The following AAGAB variants were observed in gnomAD, a reference collection of about 807,000 sequenced individuals.
AAGAB encodes alpha- and gamma-adaptin-binding protein p34.
AAGAB carries 38 observed loss-of-function variants against 44.1 expected under a neutral mutation model. The observed-to-expected ratio is 0.86, with a 90% confidence interval of 0.67 to 1.13. AAGAB has a LOEUF of 1.13. Among genes scored for constraint, AAGAB ranks in the 50% most tolerant of loss-of-function variants. The pLI, the probability that AAGAB is intolerant of heterozygous loss-of-function variation, is 0.00. For missense variants in AAGAB, 450 were observed against 373.8 expected, an observed-to-expected ratio of 1.20 and a Z score of -1.68; for synonymous variants, 131 against 131.8, an observed-to-expected ratio of 0.99 and a Z score of 0.04.
At chr15:67,251,824 A>G (rs544485170) in intron 1 of AAGAB, among the ~76,000 whole-genome samples, 1 of 152,364 alleles carries the variant, frequency 6.6e-6, no homozygotes, top group Non-Finnish European at 1.5e-5. Flanking sequence ...ACCTGTGATT[A>G]ATTTAATCCC....
chr15:67,216,454 A>C (rs1963950673), intron 5 of AAGAB, among the ~76,000 whole-genome samples: 3 of 148,278 alleles, frequency 2.0e-5, no homozygotes, highest in Admixed American at 1.3e-4. Flanking sequence ...AAAAAAAAAA[A>C]AAAAAAAAAA....
chr15:67,211,890 T>G (rs1963828878), intron 5 of AAGAB, among the ~76,000 whole-genome samples: 1 of 151,990 alleles, frequency 6.6e-6, no homozygotes, highest in Admixed American at 6.6e-5. Flanking sequence ...TAATTCTTTT[T>G]TTTTTTTGAG....
chr15:67,219,628 G>T (rs1281257767), intron 5 of AAGAB, among the ~76,000 whole-genome samples: 1 of 152,092 alleles, frequency 6.6e-6, no homozygotes, highest in African/African-American at 2.4e-5. Flanking sequence ...TGGACAAAAA[G>T]ATTGGAACAG....
intron 5 of AAGAB, among the ~76,000 whole-genome samples, chr15:67,222,233 C>T (rs149806439): frequency 4.7e-5 from 3 of 63,508 alleles, no homozygotes; most frequent in South Asian, 4.5e-4. Context: ...CACGCGCACG[C>T]GCGCGCGCGC....
At chr15:67,233,709 A>C (rs1964396877) in intron 4 of AAGAB, among the ~76,000 whole-genome samples, 1 of 152,184 alleles carries the variant, frequency 6.6e-6, no homozygotes, top group South Asian at 2.1e-4. Flanking sequence ...AGTGGAAACA[A>C]TACCACTCTA....
intron 4 of AAGAB, among the ~76,000 whole-genome samples, chr15:67,233,456 G>A (rs1380736073): frequency 6.6e-6 from 1 of 152,206 alleles, no homozygotes; most frequent in African/African-American, 2.4e-5. Context: ...AGATGTTGAG[G>A]ATTGTAAGGC....
upstream of AAGAB, chr15:67,254,728 T>C (rs1965042344): frequency 1.4e-6 from 2 of 1,392,632 alleles, no homozygotes; most frequent in East Asian, 5.0e-5. Context: ...GAGAGGGCGT[T>C]CTCGGAATGA....
chr15:67,209,424 A>G, intron 6 of AAGAB, 38 bp downstream of exon 6: 1 of 1,499,512 alleles, frequency 6.7e-7, no homozygotes, highest in South Asian at 1.1e-5. Flanking sequence ...GAGAAATTAA[A>G]GCCAAAGAGG....
At chr15:67,244,578 A>G (rs949636887) in intron 1 of AAGAB, among the ~76,000 whole-genome samples, 3 of 152,106 alleles carry the variant, frequency 2.0e-5, no homozygotes, top group Non-Finnish European at 4.4e-5. Flanking sequence ...CAAAGTGGGC[A>G]GATTGCTTGA....
chr15:67,210,553 G>A (rs1963794011), intron 5 of AAGAB, among the ~76,000 whole-genome samples: 1 of 151,862 alleles, frequency 6.6e-6, no homozygotes, highest in Non-Finnish European at 1.5e-5. Context: ...CTCTAATTCA[G>A]ATATGAATGA....
intron 4 of AAGAB, among the ~76,000 whole-genome samples, chr15:67,233,651 T>TA (rs1964395308): frequency 6.6e-6 from 1 of 152,202 alleles, no homozygotes; most frequent in Admixed American, 6.5e-5. Context: ...CTCTGCCACT[T>TA]ACTAGCTATT....
chr15:67,230,223 G>A lies in AAGAB; in HGVS notation c.535+1591C>T, dbSNP rs886292179. Among the ~76,000 whole-genome samples the A allele has an allele frequency of 2.6e-5, 4 of 152,092 alleles. No individual in the cohort carries two copies. The South Asian group carries it at 8.3e-4, about 32-fold the overall frequency. ...ATACTTGTTGAGGCAGCCAAGAGAT[G>A]TAAGACAGAAAAACCCTATACAGGA... On this transcript the variant is annotated intron_variant, in intron 5 of 9. Coordinates refer to ENST00000261880, the MANE Select transcript of AAGAB (RefSeq NM_024666.5).
At chr15:67,236,223 C>T (rs573444341) in intron 3 of AAGAB, among the ~76,000 whole-genome samples, 155 bp from the exon 4 acceptor site, 2 of 151,966 alleles carry the variant, frequency 1.3e-5, no homozygotes, top group South Asian at 2.1e-4. Flanking sequence ...TTCTCAGCCC[C>T]GAAGTATCCA....
At chr15:67,216,677 C>T (rs899567637) in intron 5 of AAGAB, among the ~76,000 whole-genome samples, 31 of 151,304 alleles carry the variant, frequency 2.0e-4, no homozygotes, top group African/African-American at 7.5e-4. Flanking sequence ...GTCCTATCTC[C>T]AGAACCTTAA....
intron 1 of AAGAB, among the ~76,000 whole-genome samples, chr15:67,248,076 T>C (rs973390754): frequency 1.3e-5 from 2 of 152,240 alleles, no homozygotes; most frequent in African/African-American, 4.8e-5. Flanking sequence ...TGGAATGTAA[T>C]GTGGACATGT....
At chr15:67,253,552 G>C (rs2140407081) in intron 1 of AAGAB, among the ~76,000 whole-genome samples, 1 of 151,844 alleles carries the variant, frequency 6.6e-6, no homozygotes, top group South Asian at 2.1e-4. Context: ...CCACGAGTTG[G>C]AGACCAGCCT....
intron 4 of AAGAB, among the ~76,000 whole-genome samples, chr15:67,233,419 C>T (rs904808687): frequency 1.3e-5 from 2 of 152,118 alleles, no homozygotes; most frequent in African/African-American, 2.4e-5. Flanking sequence ...CAGGAATGAT[C>T]GTGTACAAAG....
rs146878333 is a variant in AAGAB, at chr15:67,228,797, A to T, written c.535+3017T>A. Reference sequence around the variant, plus strand: ...CACCACGGAATACTACATAGGCATAAAAACGAACAAAGTCATCTCCTTTGC... The same window carrying T: ...CACCACGGAATACTACATAGGCATATAAACGAACAAAGTCATCTCCTTTGC... On this transcript the variant is annotated intron_variant, in intron 5 of 9. Transcript: ENST00000261880. Among the ~76,000 whole-genome samples the T allele has an allele frequency of 3.9e-5, 6 of 152,352 alleles. No homozygotes were observed. The East Asian group carries it at 1.2e-3, about 29-fold the overall frequency.
chr15:67,254,605 T>C lies in AAGAB; in HGVS notation c.27A>G (p.Leu9=), dbSNP rs767540102. MAAGVPCA[L]VTSCSSVFSG... is the part of the protein sequence containing the mutation. ...AGAAGACGGAGGAGCAGCTGGTGAC[T>C]AACGCACAGGGTACGCCAGCAGCCA... Residue 9 remains leucine (L), a synonymous_variant, in exon 1 of 10, where the codon TTA becomes TTG. Transcript: ENST00000261880. 1 of 1,608,872 alleles carries C rather than the reference T, an allele frequency of 6.2e-7. No individual in the cohort carries two copies. Among genetic ancestry groups the C allele is most frequent in the Non-Finnish European group, 8.5e-7 (1 of 1,178,848 alleles).
Sources: gnomAD v4.1 joint callset for allele counts (sites outside exome capture counted in the v4.1 genomes callset) on GRCh38, gnomAD v4.1.1 for gene constraint, MANE v1.5 for transcripts, NCBI Gene and HGNC (gene_info 2026-07-23, HGNC 2026-07-21) for gene names.